Variants in DPY19L3 observed in about 807,000 individuals in gnomAD.
DPY19L3 encodes the protein protein C-mannosyl-transferase DPY19L3.
DPY19L3 carries 51 observed loss-of-function variants against 92.3 expected under a neutral mutation model. The ratio of observed to expected loss-of-function variants is 0.55; its 90% CI spans 0.44 to 0.70. The LOEUF (loss-of-function observed/expected upper bound fraction) is 0.70, where lower values mean the gene tolerates loss of function less well. Ranked by LOEUF, DPY19L3 falls within the 30% of genes least tolerant of loss-of-function variation. The pLI is 0.00. For missense variants in DPY19L3, 706 were observed against 855.9 expected, an observed-to-expected ratio of 0.82 and a Z score of 2.18; for synonymous variants, 309 against 315.2, an observed-to-expected ratio of 0.98 and a Z score of 0.21.
intron 10 of DPY19L3, among the ~76,000 whole-genome samples, chr19:32,457,806 C>T (rs1034834387): frequency 1.3e-5 from 2 of 152,204 alleles, no homozygotes; most frequent in African/African-American, 4.8e-5. Flanking sequence ...AGCCTTCTCC[C>T]TCTCCCTGAA....
chr19:32,416,334 G>A (rs1249897718), intron 3 of DPY19L3, among the ~76,000 whole-genome samples: 5 of 152,170 alleles, frequency 3.3e-5, no homozygotes, highest in Admixed American at 2.0e-4. Flanking sequence ...CTGTGACAAC[G>A]AGCACCGGGA....
chr19:32,468,003 T>C (rs1970248056), intron 15 of DPY19L3: 1 of 984,808 alleles, frequency 1.0e-6, no homozygotes, highest in African/African-American at 1.7e-5. Context: ...TTCTCTTTCA[T>C]TGTACCAGCA....
rs1035856957 is a variant in DPY19L3, at chr19:32,485,085, T to C, written c.*2845T>C. 2.0e-5 allele frequency: 3 copies of C among 152,172 alleles called. No individual in the cohort carries two copies. The highest frequency in any genetic ancestry group is 7.2e-5 in the African/African-American group (3 of 41,438). 9.4% of individuals were successfully genotyped at this position (152,172 alleles called of 1,614,324 possible). ...AGTAGAACTGTAGTCATTGGACCCT[T>C]AGGCAAAGGAAAATCCGTGTCTTTA... On this transcript the variant is annotated 3_prime_UTR_variant, in exon 19 of 19. Transcript: ENST00000392250.
rs772949382 is a variant in DPY19L3 at position 32,464,731 on chromosome 19, T to C, written c.1561T>C (p.Cys521Arg). ...SVHLYNPKRI[C>R]IMRYSVPILI... Reference sequence around the variant, plus strand: ...AAATAATGTCTTTCTTATATAGATATGTATAATGCGATATTCAGTACCGAT... The same window carrying C: ...AAATAATGTCTTTCTTATATAGATACGTATAATGCGATATTCAGTACCGAT... Residue 521 changes from cysteine to arginine, a missense_variant, in exon 15 of 19, where the codon TGT (cysteine) becomes CGT (arginine). Transcript: ENST00000392250. The C allele has an allele frequency of 4.8e-6, 7 of 1,471,344 alleles. No individual in the cohort carries two copies. The highest frequency in any genetic ancestry group is 1.3e-5 in the South Asian group (1 of 79,414). 91.1% of individuals were successfully genotyped at this position (1,471,344 alleles called of 1,614,324 possible).
At position 32,482,534 on chromosome 19, in the gene DPY19L3, T is replaced by TA. The variant is rs1268245828; in HGVS notation, c.*295dup. 3.8e-6 allele frequency: 1 copy of TA among 265,348 alleles called. No homozygotes were observed. The highest frequency in any genetic ancestry group is 7.1e-6 in the Non-Finnish European group (1 of 140,594). 16.4% of individuals were successfully genotyped at this position (265,348 alleles called of 1,614,324 possible). On this transcript the variant is annotated 3_prime_UTR_variant, in exon 19 of 19. Transcript: ENST00000392250. Reference sequence around the variant, plus strand: ...GAGAGAATGATGTGTGTTCCATGGATACCTGGATAGGCACATAACATGTTG... The same window carrying TA: ...GAGAGAATGATGTGTGTTCCATGGATAACCTGGATAGGCACATAACATGTTG...
intron 3 of DPY19L3, among the ~76,000 whole-genome samples, chr19:32,416,933 T>G (rs1968398212): frequency 6.6e-6 from 1 of 152,246 alleles, no homozygotes; most frequent in Admixed American, 6.5e-5. Context: ...GCCACATGGT[T>G]GAGTGTTCTG....
At chr19:32,445,749 C>T (rs535874125) in intron 8 of DPY19L3, among the ~76,000 whole-genome samples, 1 of 152,134 alleles carries the variant, frequency 6.6e-6, no homozygotes, top group South Asian at 2.1e-4. Flanking sequence ...ACCTGTAATC[C>T]CAGCACTTTG....
chr19:32,453,421 T>C (rs1222309792), intron 9 of DPY19L3, 145 bp downstream of exon 9: 1 of 786,830 alleles, frequency 1.3e-6, no homozygotes. Flanking sequence ...TGCTTTTTCT[T>C]GTGCATGTGG....
chr19:32,466,462 C>G (rs533321531), intron 15 of DPY19L3, among the ~76,000 whole-genome samples: 1 of 152,174 alleles, frequency 6.6e-6, no homozygotes, highest in African/African-American at 2.4e-5. Context: ...CCGCTGGGGG[C>G]GGGGGCGGTC....
At chr19:32,450,797 A>G (rs1327917284) in intron 8 of DPY19L3, among the ~76,000 whole-genome samples, 2 of 152,202 alleles carry the variant, frequency 1.3e-5, no homozygotes, top group Non-Finnish European at 2.9e-5. Context: ...TGAGAGTTGC[A>G]CAACTCTATG....
At chr19:32,442,981 C>T (rs182084717) in intron 8 of DPY19L3, among the ~76,000 whole-genome samples, 2 of 152,298 alleles carry the variant, frequency 1.3e-5, no homozygotes, top group African/African-American at 4.8e-5. Flanking sequence ...CTTCAACTCT[C>T]ACTCAGTGGT....
At chr19:32,419,248 C>T (rs1968481933) in intron 3 of DPY19L3, among the ~76,000 whole-genome samples, 1 of 151,278 alleles carries the variant, frequency 6.6e-6, no homozygotes, top group Admixed American at 6.6e-5. Flanking sequence ...GCAAGCTCCA[C>T]CTCCCGGGTT....
At chr19:32,432,625 C>G in intron 3 of DPY19L3, 91 bp from the exon 4 acceptor site, 1 of 1,064,314 alleles carries the variant, frequency 9.4e-7, no homozygotes, top group Non-Finnish European at 1.4e-6. Context: ...TTTTCTCTTT[C>G]AAGTTGCAGT....
chr19:32,409,247 C>T (rs1281096704), intron 2 of DPY19L3, among the ~76,000 whole-genome samples: 1 of 152,228 alleles, frequency 6.6e-6, no homozygotes, highest in Non-Finnish European at 1.5e-5. Context: ...GTCTTAATGT[C>T]ATATTCTGCA....
chr19:32,459,739 G>A (rs1483472245), intron 12 of DPY19L3, among the ~76,000 whole-genome samples: 1 of 152,110 alleles, frequency 6.6e-6, no homozygotes, highest in Non-Finnish European at 1.5e-5. Context: ...ATCTCTGGAG[G>A]CTGATTGGGT....
chr19:32,454,801 T>C, intron 9 of DPY19L3, 138 bp from the exon 10 acceptor site: 2 of 544,830 alleles, frequency 3.7e-6, no homozygotes, highest in Admixed American at 7.8e-5. Context: ...TGAAAATGAG[T>C]AGGTTGTATT....
In DPY19L3 at chr19:32,408,405, A is replaced by G. The variant is rs376335659; in HGVS notation, c.103+49A>G. 23 of 1,385,926 alleles carry G rather than the reference A, an allele frequency of 1.7e-5. No individual in the cohort carries two copies. In the African/African-American group the frequency reaches 2.7e-4, roughly 16 times the overall value. 85.9% of individuals were successfully genotyped at this position (1,385,926 alleles called of 1,614,324 possible). A position where few individuals can be genotyped will look rare whatever the true frequency, so the allele number is the denominator to read the frequency against. ...CAATTTGGGTTGCTTTTATTTCTGC[A>G]TATTAAAATGTCACTCTCCAATAGG... is the stretch of plus-strand genomic sequence containing the variant. On this transcript the variant is annotated intron_variant, in intron 2 of 18. Transcript: ENST00000392250.
At chr19:32,427,439 A>G (rs527535945) in intron 3 of DPY19L3, among the ~76,000 whole-genome samples, 8 of 152,084 alleles carry the variant, frequency 5.3e-5, no homozygotes, top group Non-Finnish European at 1.0e-4. Flanking sequence ...CTTTCTTTTT[A>G]GTCTTTTTTC....
chr19:32,411,291 C>T lies in DPY19L3; in HGVS notation c.156C>T (p.Thr52=). The change falls in exon 3 of 19, where the codon ACC becomes ACT. Residue 52 remains threonine (T), a synonymous_variant. Transcript: ENST00000392250. The stretch of plus-strand genomic sequence containing the variant: ...TTTTGTCATTGACAATTGGTGGAAC[C>T]ATTGCCCTTTGCATTGGACTTCTTA... ...WKILSLTIGG[T]IALCIGLLTS... 6.2e-7 allele frequency: 1 copy of T among 1,613,524 alleles called. No homozygotes were observed. Among genetic ancestry groups the T allele is most frequent in the Non-Finnish European group, 8.5e-7 (1 of 1,179,972 alleles).
Sources: gnomAD v4.1 joint callset for allele counts (sites outside exome capture counted in the v4.1 genomes callset) on GRCh38, gnomAD v4.1.1 for gene constraint, MANE v1.5 for transcripts, NCBI Gene and HGNC (gene_info 2026-07-23, HGNC 2026-07-21) for gene names.